RBFOX1: variants seen among roughly 807,000 people sequenced by gnomAD.
RBFOX1 encodes RNA binding protein fox-1 homolog 1.
A neutral mutation model predicts 57.7 loss-of-function variants in RBFOX1; 8 were observed. The ratio of observed to expected loss-of-function variants is 0.14; its 90% CI spans 0.08 to 0.25. RBFOX1 has a LOEUF of 0.25. RBFOX1 is among the 10% of genes least tolerant of loss of function. RBFOX1 has a pLI of 1.00. For synonymous variants in RBFOX1, 326 were observed against 222.4 expected (o/e 1.47, Z -4.15); for missense variants, 611 against 548.5 (o/e 1.11, Z -1.14).
chr16:5,897,583 ACT>A (rs1407388497), intron 4 of RBFOX1, among the ~76,000 whole-genome samples: 1 of 151,978 alleles, frequency 6.6e-6, no homozygotes, highest in Non-Finnish European at 1.5e-5. Flanking sequence ...TAAAAGAGAA[ACT>A]CTGTGTTAGC....
intron 11 of RBFOX1, among the ~76,000 whole-genome samples, chr16:7,634,852 T>G (rs1568205736): frequency 6.6e-6 from 1 of 152,300 alleles, no homozygotes; most frequent in East Asian, 1.9e-4. Flanking sequence ...TCTATGAAAC[T>G]TAAATGAAGA....
At chr16:6,840,118 C>T (rs144634866) in intron 3 of RBFOX1, among the ~76,000 whole-genome samples, 369 of 152,202 alleles carry the variant, frequency 2.4e-3, no homozygotes, top group African/African-American at 6.6e-3. Context: ...TTGCTTGCTT[C>T]TTGGTGAGTT....
At chr16:7,587,818 A>T (rs35002867) in intron 7 of RBFOX1, among the ~76,000 whole-genome samples, 1,886 of 152,334 alleles carry the variant, frequency 0.012, 44 homozygotes, top group African/African-American at 0.043. Context: ...ACCAATTTTT[A>T]AATAGATTCC....
At chr16:5,661,679 T>C (rs905004333) in intron 3 of RBFOX1, among the ~76,000 whole-genome samples, 3 of 152,240 alleles carry the variant, frequency 2.0e-5, no homozygotes, top group South Asian at 2.1e-4. Flanking sequence ...GTTACTATTG[T>C]GTATGGTGAA....
chr16:7,323,902 G>C (rs1603620812), intron 4 of RBFOX1, among the ~76,000 whole-genome samples: 1 of 151,482 alleles, frequency 6.6e-6, no homozygotes, highest in Admixed American at 6.6e-5. Context: ...AATGAATGAT[G>C]AGTGGATGGG....
chr16:5,344,600 T>C (rs992924373), intron 1 of RBFOX1, among the ~76,000 whole-genome samples: 2 of 152,184 alleles, frequency 1.3e-5, no homozygotes, highest in Admixed American at 1.3e-4. Context: ...GGATGTTTTT[T>C]TCCCCCTCCC....
chr16:5,876,364 A>C lies in RBFOX1; in HGVS notation c.351+9029A>C, dbSNP rs1035346644. On this transcript the variant is annotated intron_variant, in intron 4 of 19. Coordinates refer to the RBFOX1 transcript ENST00000641259. ...TTACAGATGAGCATACTGAGGCTTA[A>C]CATGGTTAGTTAAATGAGTCACAAA... Among the ~76,000 whole-genome samples, 4 of 152,212 alleles carry C rather than the reference A, an allele frequency of 2.6e-5. No individual in the cohort carries two copies. The East Asian group carries it at 5.8e-4, about 22-fold the overall frequency.
intron 3 of RBFOX1, among the ~76,000 whole-genome samples, chr16:5,612,044 C>G (rs557551668): frequency 1.2e-4 from 18 of 151,510 alleles, no homozygotes; most frequent in African/African-American, 3.9e-4. Context: ...GGAAATATTA[C>G]TTGATCCATC....
intron 3 of RBFOX1, among the ~76,000 whole-genome samples, chr16:6,670,031 C>G (rs886437109): frequency 2.6e-5 from 4 of 152,162 alleles, no homozygotes; most frequent in East Asian, 1.9e-4. Flanking sequence ...CTGTCTATCT[C>G]TATATATTGA....
At chr16:7,168,004 A>T (rs920002522) in intron 4 of RBFOX1, among the ~76,000 whole-genome samples, 2 of 152,146 alleles carry the variant, frequency 1.3e-5, no homozygotes, top group Non-Finnish European at 2.9e-5. Flanking sequence ...GATTTTTTTT[A>T]AACTTACATT....
intron 2 of RBFOX1, among the ~76,000 whole-genome samples, chr16:6,420,945 T>C (rs1215184727): frequency 6.6e-6 from 1 of 152,198 alleles, no homozygotes; most frequent in East Asian, 1.9e-4. Context: ...TGAAAGTGGG[T>C]GGACTGAAGG....
intron 4 of RBFOX1, among the ~76,000 whole-genome samples, chr16:7,321,278 G>A (rs1359635751): frequency 6.6e-6 from 1 of 151,982 alleles, no homozygotes; most frequent in Admixed American, 6.6e-5. Context: ...CTAAGTAGCT[G>A]GGATTACAGG....
chr16:7,637,231 C>T (rs1180397780), intron 11 of RBFOX1, among the ~76,000 whole-genome samples: 2 of 150,450 alleles, frequency 1.3e-5, no homozygotes, highest in Non-Finnish European at 2.9e-5. Context: ...GATTAATTAT[C>T]GTTTCCCCTG....
intron 1 of RBFOX1, among the ~76,000 whole-genome samples, chr16:5,324,544 C>G (rs909165891): frequency 6.6e-6 from 1 of 152,168 alleles, no homozygotes; most frequent in Non-Finnish European, 1.5e-5. Context: ...ATAGCAAAGA[C>G]ATGGAATCAA....
At chr16:6,618,100 C>G (rs2098170007) in intron 2 of RBFOX1, among the ~76,000 whole-genome samples, 1 of 152,118 alleles carries the variant, frequency 6.6e-6, no homozygotes, top group Non-Finnish European at 1.5e-5. Context: ...AATCCCATCC[C>G]CTTTCTTCCA....
chr16:6,504,911 AAT>A (rs1180448253), intron 2 of RBFOX1, among the ~76,000 whole-genome samples: 5 of 148,782 alleles, frequency 3.4e-5, no homozygotes, highest in East Asian at 4.2e-4. Context: ...AAAAAAAAAA[AAT>A]TTTGTAATTT....
chr16:7,509,332 G>A (rs1270008685), intron 4 of RBFOX1, among the ~76,000 whole-genome samples: 3 of 151,844 alleles, frequency 2.0e-5, no homozygotes, highest in Non-Finnish European at 2.9e-5. Flanking sequence ...TTTGCTTACC[G>A]TTGCATTAAA....
At chr16:6,645,107 A>T (rs571856957) in intron 2 of RBFOX1, among the ~76,000 whole-genome samples, 1 of 152,166 alleles carries the variant, frequency 6.6e-6, no homozygotes, top group Admixed American at 6.6e-5. Flanking sequence ...TTAGTGTCAC[A>T]TGACTTGTAG....
chr16:5,715,753 C>G (rs1276807360), intron 3 of RBFOX1, among the ~76,000 whole-genome samples: 2 of 152,166 alleles, frequency 1.3e-5, no homozygotes, highest in South Asian at 2.1e-4. Context: ...GATGCCTGTG[C>G]TGGAATGAGA....
Sources: allele counts gnomAD v4.1 joint callset (sites outside exome capture counted in the v4.1 genomes callset), GRCh38; gene constraint gnomAD v4.1.1; transcripts MANE v1.5; gene names NCBI Gene and HGNC (gene_info 2026-07-23, HGNC 2026-07-21).